HOXD4: variants seen among roughly 807,000 people sequenced by gnomAD.
HOXD4 encodes the protein homeobox D4, also known as homeobox protein Hox-D4.
A neutral mutation model predicts 22.6 loss-of-function variants in HOXD4; 15 were observed. That is an observed-to-expected ratio of 0.67 (90% CI 0.45 to 1.02). HOXD4 has a LOEUF of 1.02. HOXD4 is among the 50% of genes least tolerant of loss of function. The pLI, the probability that HOXD4 is intolerant of heterozygous loss-of-function variation, is 0.00. For missense variants in HOXD4, 350 were observed against 346.6 expected, an observed-to-expected ratio of 1.01 and a Z score of -0.08; for synonymous variants, 176 against 157.0, an observed-to-expected ratio of 1.12 and a Z score of -0.90.
Position 176,152,722 on chromosome 2 carries a change from G to T in HOXD4, c.548G>T (p.Arg183Leu). 1 of 1,614,176 alleles carries T rather than the reference G, an allele frequency of 6.2e-7. No homozygotes were observed. The highest frequency in any genetic ancestry group is 8.5e-7 in the Non-Finnish European group (1 of 1,180,028). The change falls in exon 2 of 2, where the codon CGT becomes CTT. Residue 183 changes from arginine (R) to leucine (L), a missense_variant. Physicochemically the swap from Arg to Leu is moderately radical, Grantham distance 102 (BLOSUM62 -2). Transcript: ENST00000306324. This position sits in a 1 kb window ranked among gnomAD's most constrained non-coding sequence, Gnocchi z 5.2. ...FHFNRYLTRR[R>L]RIEIAHTLCL... is the part of the protein sequence containing the mutation. ...TTTAACAGGTATCTGACAAGGCGCC[G>T]TCGGATTGAAATCGCTCACACCCTG...
In HOXD4 at chr2:176,152,705, G is replaced by A. The variant is rs147639954; in HGVS notation, c.531G>A (p.Arg177=). 52 of 1,614,198 alleles carry A rather than the reference G, an allele frequency of 3.2e-5. No homozygotes were observed. In the African/African-American group the frequency reaches 6.7e-4, roughly 21 times the overall value. The change falls in exon 2 of 2, where the codon AGG becomes AGA. Residue 177 remains arginine (R), a synonymous_variant. Transcript: ENST00000306324. The surrounding 1 kb of genome is among the most constrained non-coding windows in gnomAD (Gnocchi z 5.2). ...LELEKEFHFN[R]YLTRRRRIEI... is the part of the protein sequence containing the mutation. ...TGGAAAAAGAATTTCATTTTAACAG[G>A]TATCTGACAAGGCGCCGTCGGATTG...
At position 176,153,029 on chromosome 2, in the gene HOXD4, G is replaced by A; in HGVS notation, c.*87G>A. The A allele has an allele frequency of 7.5e-7, 1 of 1,336,282 alleles. No homozygotes were observed. The highest frequency in any genetic ancestry group is 1.1e-6 in the Non-Finnish European group (1 of 930,230). The allele number at this position is 1,336,282 out of a possible 1,614,324, so 82.8% of individuals were successfully genotyped here. On this transcript the variant is annotated 3_prime_UTR_variant, in exon 2 of 2. Transcript: ENST00000306324. ...GGCCGGGCCTGCTGTCACCTCGCTGGGCTCTAAGGTACTGTGGGGTGGACC... is the reference window on the plus strand; with the variant it reads ...GGCCGGGCCTGCTGTCACCTCGCTGAGCTCTAAGGTACTGTGGGGTGGACC...
chr2:176,151,735 C>G lies in HOXD4; in HGVS notation c.102C>G (p.Ala34=). The G allele has an allele frequency of 6.2e-7, 1 of 1,613,316 alleles. No individual in the cohort carries two copies. The highest frequency in any genetic ancestry group is 8.5e-7 in the Non-Finnish European group (1 of 1,179,938). ...GCGGCTACCTAGGCGAGCAGGGCGCCGACTACTACGGCGGCGGCGCGCAGG... is the reference window on the plus strand; with the variant it reads ...GCGGCTACCTAGGCGAGCAGGGCGCGGACTACTACGGCGGCGGCGCGCAGG... The part of the protein sequence containing the change: ...LQGGYLGEQG[A]DYYGGGAQGA... Residue 34 remains alanine, a synonymous_variant, in exon 1 of 2, where the codon GCC becomes GCG. Coordinates refer to ENST00000306324, the MANE Select transcript of HOXD4 (RefSeq NM_014621.3).
rs1415634347 is a variant in HOXD4 at position 176,151,831 on chromosome 2, C to T, written c.198C>T (p.Gly66=). 3 of 1,603,328 alleles carry T rather than the reference C, an allele frequency of 1.9e-6. No homozygotes were observed. Among genetic ancestry groups the T allele is most frequent in the Non-Finnish European group, 1.7e-6 (2 of 1,174,910 alleles). Reference sequence around the variant, plus strand: ...GTGAGCAGCCTTTCGGAGGCAGCGGCCCCGGGCCTGGCTCGGCGCTGCCTG... The same window carrying T: ...GTGAGCAGCCTTTCGGAGGCAGCGGTCCCGGGCCTGGCTCGGCGCTGCCTG... ...DFGEQPFGGS[G]PGPGSALPAR... Residue 66 remains glycine (G), a synonymous_variant, in exon 1 of 2, where the codon GGC becomes GGT. Transcript: ENST00000306324.
At position 176,152,745 on chromosome 2, in the gene HOXD4, CTG is replaced by C; in HGVS notation, c.575_576del (p.Cys192SerfsTer22). Reference sequence around the variant, plus strand: ...CCGTCGGATTGAAATCGCTCACACCCTGTGTCTGTCGGAGCGCCAGATCAAGA... The same window carrying C: ...CCGTCGGATTGAAATCGCTCACACCCTGTCTGTCGGAGCGCCAGATCAAGA... ...RRRRIEIAHT[L>X]CLSERQIKIW... is the part of the protein sequence containing the mutation. On this transcript the variant is annotated frameshift_variant, in exon 2 of 2. Coordinates refer to ENST00000306324, the MANE Select transcript of HOXD4 (RefSeq NM_014621.3). LOFTEE classifies it high-confidence loss of function. The surrounding 1 kb of genome is among the most constrained non-coding windows in gnomAD (Gnocchi z 5.2). 1 of 1,614,212 alleles carries C rather than the reference CTG, an allele frequency of 6.2e-7. No individual in the cohort carries two copies. The highest frequency in any genetic ancestry group is 8.5e-7 in the Non-Finnish European group (1 of 1,180,042).
Position 176,152,769 on chromosome 2 carries a change from A to G in HOXD4, c.595A>G (p.Lys199Glu). 6.2e-7 allele frequency: 1 copy of G among 1,614,220 alleles called. No homozygotes were observed. The highest frequency in any genetic ancestry group is 8.5e-7 in the Non-Finnish European group (1 of 1,180,022). Reference protein sequence around the residue: ...HTLCLSERQIKIWFQNRRMKW... With the variant: ...HTLCLSERQIEIWFQNRRMKW... ...CCTGTGTCTGTCGGAGCGCCAGATC[A>G]AGATCTGGTTCCAGAACCGGAGGAT... The change falls in exon 2 of 2, where the codon AAG becomes GAG. Residue 199 changes from lysine to glutamate, a missense_variant. Lys to Glu is a moderately conservative substitution (Grantham distance 56). Coordinates refer to ENST00000306324, the MANE Select transcript of HOXD4 (RefSeq NM_014621.3). This position sits in a 1 kb window ranked among gnomAD's most constrained non-coding sequence, Gnocchi z 5.2.
At position 176,151,753 on chromosome 2, in the gene HOXD4, C is replaced by A. The variant is rs1166882207; in HGVS notation, c.120C>A (p.Gly40=). The A allele has an allele frequency of 6.2e-7, 1 of 1,612,820 alleles. No homozygotes were observed. Among genetic ancestry groups the A allele is most frequent in the Non-Finnish European group, 8.5e-7 (1 of 1,179,896 alleles). Residue 40 remains glycine (G), a synonymous_variant, in exon 1 of 2, where the codon GGC becomes GGA. Coordinates refer to ENST00000306324, the MANE Select transcript of HOXD4 (RefSeq NM_014621.3). ...AGGGCGCCGACTACTACGGCGGCGG[C>A]GCGCAGGGCGCAGACTTCCAGCCCC... ...GEQGADYYGG[G]AQGADFQPPG...
In HOXD4 at chr2:176,153,223, A is replaced by C. The variant is rs1257307329; in HGVS notation, c.*281A>C. The C allele has an allele frequency of 4.4e-6, 2 of 454,704 alleles. No homozygotes were observed. The highest frequency in any genetic ancestry group is 4.0e-6 in the Non-Finnish European group (1 of 252,294). The allele number at this position is 454,704 out of a possible 1,614,324, so 28.2% of individuals were successfully genotyped here. A position where few individuals can be genotyped will look rare whatever the true frequency, so the allele number is the denominator to read the frequency against. On this transcript the variant is annotated 3_prime_UTR_variant, in exon 2 of 2. Transcript: ENST00000306324. The stretch of plus-strand genomic sequence containing the variant: ...TTGGCGAGTCATTAAACTTATGAAA[A>C]TCACCGCTCTTGGATTTTGAATTTG...
chr2:176,153,026 C>A lies in HOXD4; in HGVS notation c.*84C>A. ...GCAGGCCGGGCCTGCTGTCACCTCG[C>A]TGGGCTCTAAGGTACTGTGGGGTGG... On this transcript the variant is annotated 3_prime_UTR_variant, in exon 2 of 2. Transcript: ENST00000306324. 7.6e-7 allele frequency: 1 copy of A among 1,314,544 alleles called. No homozygotes were observed. The highest frequency in any genetic ancestry group is 1.1e-6 in the Non-Finnish European group (1 of 923,912). 81.4% of individuals were successfully genotyped at this position (1,314,544 alleles called of 1,614,324 possible). A position where few individuals can be genotyped will look rare whatever the true frequency, so the allele number is the denominator to read the frequency against.
rs1156243639 is a variant in HOXD4 at position 176,152,938 on chromosome 2, TA to T, written c.765del (p.Leu255PhefsTer16). 6.2e-7 allele frequency: 1 copy of T among 1,613,836 alleles called. No homozygotes were observed. The highest frequency in any genetic ancestry group is 8.5e-7 in the Non-Finnish European group (1 of 1,179,900). Reference protein sequence around the residue: ...AKDHHTDLTTL With the variant: ...AKDHHTDLTTX ...GACCACCACACGGACCTGACGACCT[TA>T]TAGAAGTGGGGACCCTGGGCCCATC... On this transcript the variant is annotated frameshift_variant, in exon 2 of 2. Coordinates refer to ENST00000306324, the MANE Select transcript of HOXD4 (RefSeq NM_014621.3). LOFTEE classifies it high-confidence loss of function. This position sits in a 1 kb window ranked among gnomAD's most constrained non-coding sequence, Gnocchi z 5.2.
rs780177694 is a variant in HOXD4, at chr2:176,152,037, C to A, written c.404C>A (p.Pro135His). ...TALKQPAVVY[P>H]WMKKVHVNSV... ...CTCAAGCAGCCGGCCGTGGTCTACC[C>A]CTGGATGAAGAAGGTGCACGTGAAT... is the stretch of plus-strand genomic sequence containing the variant. Residue 135 changes from proline (P) to histidine (H), a missense_variant, in exon 1 of 2, where the codon CCC becomes CAC. Transcript: ENST00000306324. This position sits in a 1 kb window ranked among gnomAD's most constrained non-coding sequence, Gnocchi z 5.2. 3 of 1,613,584 alleles carry A rather than the reference C, an allele frequency of 1.9e-6. No individual in the cohort carries two copies. Among genetic ancestry groups the A allele is most frequent in the East Asian group, 2.2e-5 (1 of 44,870 alleles).
chr2:176,152,015 A>G lies in HOXD4; in HGVS notation c.382A>G (p.Lys128Glu). 2 of 1,613,478 alleles carry G rather than the reference A, an allele frequency of 1.2e-6. No homozygotes were observed. The highest frequency in any genetic ancestry group is 1.7e-6 in the Non-Finnish European group (2 of 1,179,888). ...GCAGCCGCCCTCCGGGACGGCACTC[A>G]AGCAGCCGGCCGTGGTCTACCCCTG... The part of the protein sequence containing the change: ...PKQPPSGTAL[K>E]QPAVVYPWMK... The change falls in exon 1 of 2, where the codon AAG becomes GAG. Residue 128 changes from lysine (K) to glutamate (E), a missense_variant. By Grantham distance (56) the Lys-to-Glu change is moderately conservative (BLOSUM62 1). Coordinates refer to ENST00000306324, the MANE Select transcript of HOXD4 (RefSeq NM_014621.3). This position sits in a 1 kb window ranked among gnomAD's most constrained non-coding sequence, Gnocchi z 5.2.
Position 176,153,093 on chromosome 2 carries a change from T to TAG in HOXD4, c.*151_*152insAG. On this transcript the variant is annotated 3_prime_UTR_variant, in exon 2 of 2. Coordinates refer to ENST00000306324, the MANE Select transcript of HOXD4 (RefSeq NM_014621.3). ...CCGCCCTCGGACTAGGTTAGCATCC[T>TAG]GCCCGAGGGCAGCCCCCTCCCTAGA... 1 of 413,282 alleles carries TAG rather than the reference T, an allele frequency of 2.4e-6. No individual in the cohort carries two copies. The highest frequency in any genetic ancestry group is 3.3e-5 in the Admixed American group (1 of 30,478). 25.6% of individuals were successfully genotyped at this position (413,282 alleles called of 1,614,324 possible). A position where few individuals can be genotyped will look rare whatever the true frequency, so the allele number is the denominator to read the frequency against.
Position 176,152,648 on chromosome 2 carries a change from A to G in HOXD4, c.474A>G (p.Arg158=), listed in dbSNP as rs776172661. The G allele has an allele frequency of 3.1e-6, 5 of 1,614,116 alleles. No individual in the cohort carries two copies. In the South Asian group the frequency reaches 5.5e-5, roughly 18 times the overall value. The stretch of plus-strand genomic sequence containing the variant: ...CCGGTGGGGAACCCAAGCGGTCCCG[A>G]ACGGCCTACACCCGGCAGCAAGTCC... ...NYTGGEPKRS[R]TAYTRQQVLE... The change falls in exon 2 of 2, where the codon CGA becomes CGG. Residue 158 remains arginine (R), a synonymous_variant. Coordinates refer to ENST00000306324, the MANE Select transcript of HOXD4 (RefSeq NM_014621.3). The surrounding 1 kb of genome is among the most constrained non-coding windows in gnomAD (Gnocchi z 5.2).
In HOXD4 at chr2:176,151,903, C is replaced by T. The variant is rs531841257; in HGVS notation, c.270C>T (p.Ala90=). The change falls in exon 1 of 2, where the codon GCC becomes GCT. Residue 90 remains alanine, a synonymous_variant. Coordinates refer to ENST00000306324, the MANE Select transcript of HOXD4 (RefSeq NM_014621.3). Reference sequence around the variant, plus strand: ...CAGGCGGCCCCGGCGGTCACTACGCCGCTCCAGGAGAGCCTTGCCCAGCTC... The same window carrying T: ...CAGGCGGCCCCGGCGGTCACTACGCTGCTCCAGGAGAGCCTTGCCCAGCTC... The part of the protein sequence containing the change: ...QEPGGPGGHY[A]APGEPCPAPP... The T allele has an allele frequency of 1.1e-4, 172 of 1,592,468 alleles. No homozygotes were observed. In the African/African-American group the frequency reaches 2.0e-3, roughly 19 times the overall value.
rs1489543550 is a variant in HOXD4 at position 176,153,075 on chromosome 2, CGGACTAGG to C, written c.*134_*141del. 1 of 597,672 alleles carries C rather than the reference CGGACTAGG, an allele frequency of 1.7e-6. No homozygotes were observed. 37.0% of individuals were successfully genotyped at this position (597,672 alleles called of 1,614,324 possible). On this transcript the variant is annotated 3_prime_UTR_variant, in exon 2 of 2. Coordinates refer to ENST00000306324, the MANE Select transcript of HOXD4 (RefSeq NM_014621.3). ...GGACCTGGGACAAGCAGGCCGCCCT[CGGACTAGG>C]TTAGCATCCTGCCCGAGGGCAGCCC...
At position 176,152,975 on chromosome 2, in the gene HOXD4, C is replaced by T. The variant is rs371995881; in HGVS notation, c.*33C>T. ...GACCCTGGGCCCATCTCTCCCTGCG[C>T]ACCAGGCTGAGCCGAAGCTGCGGGG... is the stretch of plus-strand genomic sequence containing the variant. On this transcript the variant is annotated 3_prime_UTR_variant, in exon 2 of 2. Transcript: ENST00000306324. This position sits in a 1 kb window ranked among gnomAD's most constrained non-coding sequence, Gnocchi z 5.2. 32 of 1,599,970 alleles carry T rather than the reference C, an allele frequency of 2.0e-5. No homozygotes were observed. Among genetic ancestry groups the T allele is most frequent in the Non-Finnish European group, 2.7e-5 (31 of 1,167,266 alleles).
chr2:176,153,053 C>A lies in HOXD4; in HGVS notation c.*111C>A, dbSNP rs1690576949. 3.6e-6 allele frequency: 4 copies of A among 1,106,884 alleles called. No homozygotes were observed. The highest frequency in any genetic ancestry group is 1.3e-5 in the South Asian group (1 of 74,378). 68.6% of individuals were successfully genotyped at this position (1,106,884 alleles called of 1,614,324 possible). On this transcript the variant is annotated 3_prime_UTR_variant, in exon 2 of 2. Coordinates refer to ENST00000306324, the MANE Select transcript of HOXD4 (RefSeq NM_014621.3). The stretch of plus-strand genomic sequence containing the variant: ...GGGCTCTAAGGTACTGTGGGGTGGA[C>A]CTGGGACAAGCAGGCCGCCCTCGGA...
rs1063656 is a variant in HOXD4, at chr2:176,153,120, C to T, written c.*178C>T. ...CCCGAGGGCAGCCCCCTCCCTAGAG[C>T]GGGATGGGGATGGGAGGGGGGGCGG... is the stretch of plus-strand genomic sequence containing the variant. On this transcript the variant is annotated 3_prime_UTR_variant, in exon 2 of 2. Transcript: ENST00000306324. The T allele has an allele frequency of 0.22, 79,635 of 367,428 alleles. 9,286 individuals are homozygous for T. The highest frequency in any genetic ancestry group is 0.27 in the Non-Finnish European group (51,007 of 188,806). 22.8% of individuals were successfully genotyped at this position (367,428 alleles called of 1,614,324 possible).
Sources: gnomAD v4.1 joint callset for allele counts on GRCh38, gnomAD v4.1.1 for gene constraint, Gnocchi (gnomAD v3.1) non-coding constraint, MANE v1.5 for transcripts, NCBI Gene and HGNC (gene_info 2026-07-23, HGNC 2026-07-21) for gene names.